The following ARHGAP23 variants were observed in gnomAD, a reference collection of about 807,000 sequenced individuals.
ARHGAP23 encodes the protein rho GTPase-activating protein 23.
Under a neutral mutation model 136.3 loss-of-function variants are expected in ARHGAP23, and 34 were observed. The ratio of observed to expected loss-of-function variants is 0.25; its 90% CI spans 0.19 to 0.33. The LOEUF is 0.33. Among genes scored for constraint, ARHGAP23 ranks in the 10% least tolerant of loss-of-function variants. The pLI is 1.00. For synonymous variants in ARHGAP23, 832 were observed against 920.5 expected (o/e 0.90, Z 1.74); for missense variants, 1,808 against 2,139.0 (o/e 0.85, Z 3.05).
intron 17 of ARHGAP23, among the ~76,000 whole-genome samples, chr17:38,486,841 C>T (rs1439672850): frequency 7.2e-5 from 11 of 152,234 alleles, no homozygotes; most frequent in African/African-American, 2.2e-4. Context: ...CGTCGGGCAC[C>T]GACGGGCTTT....
Position 38,440,270 on chromosome 17 carries a change from C to T in ARHGAP23, c.63+11722C>T, listed in dbSNP as rs535508232. On this transcript the variant is annotated intron_variant, in intron 1 of 23. Coordinates refer to ENST00000622683, the MANE Select transcript of ARHGAP23 (RefSeq NM_001199417.2). ...CTGGCTTCAAGTGATCCTCCGAACT[C>T]GGCCTCCCAAAGTGCTGGGATTACA... is the stretch of plus-strand genomic sequence containing the variant. Among the ~76,000 whole-genome samples the T allele has an allele frequency of 9.8e-5, 15 of 152,320 alleles. No individual in the cohort carries two copies. In the South Asian group the frequency reaches 1.7e-3, roughly 17 times the overall value.
intron 11 of ARHGAP23, among the ~76,000 whole-genome samples, chr17:38,472,376 C>T (rs1402025188): frequency 6.6e-6 from 1 of 151,984 alleles, no homozygotes; most frequent in Non-Finnish European, 1.5e-5. Flanking sequence ...CAAGAAGACG[C>T]AGGCAAGCCA....
At chr17:38,475,020 T>A (rs2039859989) in intron 11 of ARHGAP23, among the ~76,000 whole-genome samples, 1 of 152,168 alleles carries the variant, frequency 6.6e-6, no homozygotes, top group African/African-American at 2.4e-5. Context: ...CCCTTCCTGC[T>A]CACTGGCCAG....
rs1002679756 is a variant in ARHGAP23, at chr17:38,510,604, G to A, written c.4108G>A (p.Glu1370Lys). Residue 1370 changes from glutamate (E) to lysine (K), a missense_variant, in exon 24 of 24, where the codon GAG (glutamate) becomes AAG (lysine). By Grantham distance (56) the Glu-to-Lys change is moderately conservative (BLOSUM62 1). This residue lies in a region of ARHGAP23 where 506 missense variants were observed against 455.8 expected (regional missense o/e 1.11). Transcript: ENST00000622683. This position sits in a 1 kb window ranked among gnomAD's most constrained non-coding sequence, Gnocchi z 4.6. Reference sequence around the variant, plus strand: ...GCTGGCCTCCCGGCCCTCGCGCATGGAGGCGCTGCGTCTAAGGCTCCGCGG... The same window carrying A: ...GCTGGCCTCCCGGCCCTCGCGCATGAAGGCGCTGCGTCTAAGGCTCCGCGG... Reference protein sequence around the residue: ...AALASRPSRMEALRLRLRGTA... With the variant: ...AALASRPSRMKALRLRLRGTA... The A allele has an allele frequency of 1.6e-5, 21 of 1,293,706 alleles. No homozygotes were observed. The African/African-American group carries it at 2.0e-4, about 12-fold the overall frequency. The allele number at this position is 1,293,706 out of a possible 1,614,324, so 80.1% of individuals were successfully genotyped here.
At chr17:38,466,065 C>T (rs1419470075) in intron 6 of ARHGAP23, 102 bp from the exon 7 acceptor site, 21 of 1,022,816 alleles carry the variant, frequency 2.1e-5, no homozygotes, top group Non-Finnish European at 2.7e-5. Context: ...TGGTCCTCTC[C>T]CTTCATTTCC....
chr17:38,468,370 C>T (rs2039663332), intron 7 of ARHGAP23, among the ~76,000 whole-genome samples: 1 of 151,798 alleles, frequency 6.6e-6, no homozygotes. Context: ...GTGCCTCACC[C>T]CCGTGTTGGG....
At chr17:38,435,565 C>T (rs905990834) in intron 1 of ARHGAP23, among the ~76,000 whole-genome samples, 1 of 152,230 alleles carries the variant, frequency 6.6e-6, no homozygotes, top group Admixed American at 6.5e-5. Context: ...CCCGATCTCT[C>T]CTTGGCCTCA....
At chr17:38,501,566 G>T (rs1401477952) in intron 23 of ARHGAP23, among the ~76,000 whole-genome samples, 1 of 152,106 alleles carries the variant, frequency 6.6e-6, no homozygotes, top group African/African-American at 2.4e-5. Context: ...CTCCGAAAGT[G>T]CTGGGATTAC....
intron 1 of ARHGAP23, among the ~76,000 whole-genome samples, chr17:38,429,314 C>G (rs980301845): frequency 2.0e-5 from 3 of 152,248 alleles, no homozygotes; most frequent in African/African-American, 4.8e-5. Context: ...CCAGCCCCAT[C>G]CCCCCATCAG....
intron 20 of ARHGAP23, among the ~76,000 whole-genome samples, chr17:38,496,893 C>T (rs988459071): frequency 2.6e-5 from 4 of 151,372 alleles, no homozygotes; most frequent in African/African-American, 9.7e-5. Flanking sequence ...GCAGAGGTTG[C>T]AGTGAGCCAA....
chr17:38,492,762 C>CACCA (rs2040305088), intron 20 of ARHGAP23, among the ~76,000 whole-genome samples: 1 of 152,234 alleles, frequency 6.6e-6, no homozygotes, highest in Non-Finnish European at 1.5e-5. Flanking sequence ...ACACTGGGAA[C>CACCA]ACCACTCCAG....
intron 1 of ARHGAP23, among the ~76,000 whole-genome samples, chr17:38,453,317 C>T (rs535703643): frequency 3.3e-5 from 5 of 150,568 alleles, no homozygotes; most frequent in East Asian, 3.9e-4. Flanking sequence ...GTGTGTGGTG[C>T]GGGTCTGTAC....
intron 1 of ARHGAP23, among the ~76,000 whole-genome samples, chr17:38,455,429 C>T (rs1191712132): frequency 6.6e-6 from 1 of 152,074 alleles, no homozygotes; most frequent in Non-Finnish European, 1.5e-5. Context: ...GCTGGTAGTG[C>T]TTGGTGAGGA....
chr17:38,459,715 C>A (rs2039413865), intron 2 of ARHGAP23, among the ~76,000 whole-genome samples: 1 of 152,222 alleles, frequency 6.6e-6, no homozygotes, highest in African/African-American at 2.4e-5. Flanking sequence ...GGCCTTTGGC[C>A]TGGAGGCAGG....
At chr17:38,459,821 G>A (rs536627942) in intron 2 of ARHGAP23, among the ~76,000 whole-genome samples, 7 of 152,292 alleles carry the variant, frequency 4.6e-5, no homozygotes, top group South Asian at 2.1e-4. Context: ...CCACTCTCTC[G>A]CAGTGCTGTC....
At chr17:38,425,895 G>A (rs141944251), upstream of ARHGAP23, among the ~76,000 whole-genome samples, 36 of 152,042 alleles carry the variant, frequency 2.4e-4, no homozygotes, top group East Asian at 2.5e-3. Flanking sequence ...GGAGAGAGCC[G>A]CACTTTCTGG....
At chr17:38,507,011 C>T (rs2040648055) in intron 23 of ARHGAP23, among the ~76,000 whole-genome samples, 13 of 152,246 alleles carry the variant, frequency 8.5e-5, no homozygotes, top group Admixed American at 8.5e-4. Flanking sequence ...TGGCTGATGC[C>T]TGTAATAATC....
intron 1 of ARHGAP23, among the ~76,000 whole-genome samples, chr17:38,420,721 AGTTTCCAGGCCT>A (rs2038512217): frequency 6.6e-6 from 1 of 151,906 alleles, no homozygotes; most frequent in Non-Finnish European, 1.5e-5. Context: ...TGGCTGGTCC[AGTTTCCAGGCCT>A]GTTTGGCATC....
chr17:38,439,247 C>G lies in ARHGAP23; in HGVS notation c.63+10699C>G, dbSNP rs372540384. On this transcript the variant is annotated intron_variant, in intron 1 of 23. Transcript: ENST00000622683. ...CAGAAACTTGCTGTACCGTCTCTTT[C>G]CCTTGTCTAGAAGGGCCTTCTCTGC... Among the ~76,000 whole-genome samples the G allele has an allele frequency of 1.5e-4, 23 of 152,102 alleles. No individual in the cohort carries two copies. In the East Asian group the frequency reaches 2.1e-3, roughly 14 times the overall value.
Sources: allele counts gnomAD v4.1 joint callset (sites outside exome capture counted in the v4.1 genomes callset), GRCh38; gene constraint gnomAD v4.1.1; regional missense constraint gnomAD v4.1.1; non-coding constraint Gnocchi (gnomAD v3.1); transcripts MANE v1.5; gene names NCBI Gene and HGNC (gene_info 2026-07-23, HGNC 2026-07-21).